DMBT1: variants seen among roughly 807,000 people sequenced by gnomAD.
DMBT1 encodes the protein deleted in malignant brain tumors 1, also known as scavenger receptor cysteine-rich domain-containing protein DMBT1.
Under a neutral mutation model 252.9 loss-of-function variants are expected in DMBT1, and 198 were observed. That is an observed-to-expected ratio of 0.78 (90% CI 0.70 to 0.88). DMBT1 has a LOEUF of 0.88. DMBT1 is among the 40% of genes least tolerant of loss of function. The pLI, the probability that DMBT1 is intolerant of heterozygous loss-of-function variation, is 0.00. For missense variants in DMBT1, 2,432 were observed against 2,404.7 expected, an observed-to-expected ratio of 1.01 and a Z score of -0.24; for synonymous variants, 990 against 942.7, an observed-to-expected ratio of 1.05 and a Z score of -0.92.
chr10:122,576,257 C>G, intron 6 of DMBT1, 142 bp from the exon 7 acceptor site: 1 of 1,263,858 alleles, frequency 7.9e-7, no homozygotes, highest in East Asian at 2.5e-5. Flanking sequence ...AGAACTCTAA[C>G]CTTAAGGCCT....
In DMBT1 at chr10:122,623,280, G is replaced by A. The variant is rs184202464; in HGVS notation, c.5608+1900G>A. On this transcript the variant is annotated intron_variant, in intron 44 of 55. Coordinates refer to ENST00000338354, the MANE Select transcript of DMBT1 (RefSeq NM_001377530.1). ...AACTAATATTCCATTGTATGGCTAC[G>A]CCATCTTTGTCTATCCATTTATCAG... Among the ~76,000 whole-genome samples the A allele has an allele frequency of 3.4e-3, 523 of 152,266 alleles. 4 individuals carry two copies. Among genetic ancestry groups the A allele is most frequent in the African/African-American group, 0.011 (474 of 41,552 alleles).
intron 16 of DMBT1, among the ~76,000 whole-genome samples, chr10:122,586,802 C>T (rs1220587465): frequency 4.0e-5 from 6 of 148,374 alleles, no homozygotes; most frequent in African/African-American, 1.5e-4. Flanking sequence ...CCTCAGGCTG[C>T]TTGTACTCCT....
At position 122,641,703 on chromosome 10, in the gene DMBT1, T is replaced by C. The variant is rs1228841198; in HGVS notation, c.7352+1254T>C. ...TGAGTGGGTGACCTTAGTTCTTCCT[T>C]GCCAAAGGATTCTTTCTGGTCAAAT... On this transcript the variant is annotated intron_variant, in intron 55 of 55. Coordinates refer to ENST00000338354, the MANE Select transcript of DMBT1 (RefSeq NM_001377530.1). Among the ~76,000 whole-genome samples, 13 of 152,318 alleles carry C rather than the reference T, an allele frequency of 8.5e-5. No individual in the cohort carries two copies. In the South Asian group the frequency reaches 2.1e-3, roughly 24 times the overall value.
chr10:122,588,827 T>A, intron 16 of DMBT1, 117 bp from the exon 17 acceptor site: 1 of 1,513,698 alleles, frequency 6.6e-7, no homozygotes, highest in Non-Finnish European at 9.0e-7. Context: ...TCATCTTTAA[T>A]CGTGACTGCC....
rs1174517679 is a variant in DMBT1 at position 122,572,261 on chromosome 10, C to A, written c.188-53C>A. On this transcript the variant is annotated intron_variant, in intron 4 of 55. Transcript: ENST00000338354. ...AGACCTGAGGAAGCCATGGACCAACCCTCTTCAAGCAAGGGCTACCATCAA... is the reference window on the plus strand; with the variant it reads ...AGACCTGAGGAAGCCATGGACCAACACTCTTCAAGCAAGGGCTACCATCAA... 12 of 1,609,122 alleles carry A rather than the reference C, an allele frequency of 7.5e-6. No homozygotes were observed. In the Admixed American group the frequency reaches 1.2e-4, roughly 16 times the overall value.
chr10:122,632,001 C>T, intron 50 of DMBT1, 126 bp downstream of exon 50: 1 of 1,095,670 alleles, frequency 9.1e-7, no homozygotes, highest in East Asian at 2.4e-5. Context: ...CCTCTACAGC[C>T]CCTGTCCCCT....
chr10:122,588,980 G>A lies in DMBT1; in HGVS notation c.1820G>A (p.Gly607Glu), dbSNP rs574293405. 1 of 1,588,340 alleles carries A rather than the reference G, an allele frequency of 6.3e-7. No homozygotes were observed. The highest frequency in any genetic ancestry group is 1.7e-5 in the Admixed American group (1 of 59,534). ...ESSLALRLVN[G>E]GDRCQGRVEV... ...AGTTTGGCCCTGAGGCTGGTGAATG[G>A]AGGTGACAGGTGTCAGGGCCGAGTG... The change falls in exon 17 of 56, where the codon GGA becomes GAA. Residue 607 changes from glycine to glutamate, a missense_variant. This residue lies in a region of DMBT1 where 1,264 missense variants were observed against 1,082.2 expected (regional missense o/e 1.17). Coordinates refer to ENST00000338354, the MANE Select transcript of DMBT1 (RefSeq NM_001377530.1).
At chr10:122,637,985 A>G (rs185001809) in intron 54 of DMBT1, among the ~76,000 whole-genome samples, 133 of 152,318 alleles carry the variant, frequency 8.7e-4, no homozygotes, top group Non-Finnish European at 3.1e-4. Flanking sequence ...GAAGTTTTCA[A>G]CAGCCCCTAC....
intron 52 of DMBT1, among the ~76,000 whole-genome samples, chr10:122,634,340 T>TTTTCTTTC (rs776949913): frequency 0.025 from 2,474 of 99,294 alleles, 208 homozygotes; most frequent in Non-Finnish European, 0.033. Context: ...CTAAAAGCAC[T>TTTTCTTTC]TTTCTTTCTT....
chr10:122,639,597 CTTGTTTTGTGATTCTTCAG>C (rs1475970265), intron 54 of DMBT1, among the ~76,000 whole-genome samples: 4 of 152,154 alleles, frequency 2.6e-5, no homozygotes, highest in Non-Finnish European at 5.9e-5. Flanking sequence ...GCCATTTTTA[CTTGTTTTGTGATTCTTCAG>C]TTACTTCAGG....
chr10:122,573,868 A>T, intron 6 of DMBT1, 106 bp downstream of exon 6: 2 of 1,401,954 alleles, frequency 1.4e-6, no homozygotes, highest in Non-Finnish European at 2.0e-6. Flanking sequence ...TAGGGTGCTT[A>T]GCTCCCACGA....
chr10:122,632,790 G>C, intron 50 of DMBT1, 71 bp from the exon 51 acceptor site: 1 of 1,583,148 alleles, frequency 6.3e-7, no homozygotes, highest in Non-Finnish European at 8.6e-7. Context: ...CATCTGCACA[G>C]CTCATGAGCA....
rs3980997 is a variant in DMBT1 at position 122,597,406 on chromosome 10, G to C, written c.2917+352G>C. ...TTGAGAGTGATTGCCAAAGTCTCCT[G>C]GGTAGCCAATGTCAGCTAAAGCCTT... On this transcript the variant is annotated intron_variant, in intron 24 of 55. Coordinates refer to ENST00000338354, the MANE Select transcript of DMBT1 (RefSeq NM_001377530.1). Among the ~76,000 whole-genome samples, 1,503 of 151,722 alleles carry C rather than the reference G, an allele frequency of 9.9e-3. 20 individuals carry two copies. The highest frequency in any genetic ancestry group is 0.029 in the African/African-American group (1,194 of 41,164).
chr10:122,569,738 G>A (rs763970421), intron 2 of DMBT1, among the ~76,000 whole-genome samples: 7 of 152,332 alleles, frequency 4.6e-5, no homozygotes, highest in South Asian at 4.1e-4. Flanking sequence ...ATTCTGAAAA[G>A]GTTGGTATTC....
intron 54 of DMBT1, among the ~76,000 whole-genome samples, chr10:122,638,715 A>C (rs570746908): frequency 7.2e-5 from 11 of 152,316 alleles, no homozygotes; most frequent in Admixed American, 5.9e-4. Context: ...AAATGCTGGG[A>C]TTACGGGCAT....
At position 122,576,640 on chromosome 10, in the gene DMBT1, A is replaced by G. The variant is rs201052086; in HGVS notation, c.525A>G (p.Glu175=). ...ALDDVRCSGH[E]SYLWSCPHNG... The stretch of plus-strand genomic sequence containing the variant: ...ATGATGTGCGCTGCTCAGGACACGA[A>G]TCCTACCTGTGGAGCTGCCCCCACA... The change falls in exon 7 of 56, where the codon GAA becomes GAG. Residue 175 remains glutamate (E), a synonymous_variant. Coordinates refer to ENST00000338354, the MANE Select transcript of DMBT1 (RefSeq NM_001377530.1). The G allele has an allele frequency of 1.2e-4, 200 of 1,613,426 alleles. 1 individual carries two copies. Among genetic ancestry groups the G allele is most frequent in the Non-Finnish European group, 1.5e-4 (178 of 1,179,684 alleles).
intron 50 of DMBT1, 114 bp from the exon 51 acceptor site, chr10:122,632,747 C>T (rs1331172380): frequency 1.4e-6 from 2 of 1,406,270 alleles, no homozygotes; most frequent in Non-Finnish European, 2.0e-6. Flanking sequence ...GGCCTGTGTC[C>T]AGCTCCTCCC....
rs1209360622 is a variant in DMBT1 at position 122,630,562 on chromosome 10, T to C, written c.6025+72T>C. On this transcript the variant is annotated intron_variant, in intron 48 of 55. Transcript: ENST00000338354. ...AGCTGCCTCTTTGGGGGCACCATGG[T>C]TCCCCAAGGAAATCAAAGAAGGGCC... The C allele has an allele frequency of 3.4e-6, 5 of 1,477,202 alleles. No individual in the cohort carries two copies. In the African/African-American group the frequency reaches 7.0e-5, roughly 21 times the overall value. The allele number at this position is 1,477,202 out of a possible 1,614,324, so 91.5% of individuals were successfully genotyped here.
intron 2 of DMBT1, among the ~76,000 whole-genome samples, chr10:122,569,352 A>G (rs1041871424): frequency 2.5e-4 from 38 of 152,200 alleles, no homozygotes; most frequent in Non-Finnish European, 7.3e-5. Flanking sequence ...CATTCTCTTT[A>G]TTTGGAATTA....
Sources: gnomAD v4.1 joint callset for allele counts (sites outside exome capture counted in the v4.1 genomes callset) on GRCh38, gnomAD v4.1.1 for gene constraint, gnomAD v4.1.1 regional missense constraint, MANE v1.5 for transcripts, NCBI Gene and HGNC (gene_info 2026-07-23, HGNC 2026-07-21) for gene names.